Variants in PPP3R1 observed in about 807,000 individuals in gnomAD.
PPP3R1 encodes protein phosphatase 3 regulatory subunit B, alpha.
Under a neutral mutation model 22.6 loss-of-function variants are expected in PPP3R1, and 5 were observed. That is an observed-to-expected ratio of 0.22 (90% confidence interval 0.12 to 0.46). PPP3R1 has a LOEUF of 0.46. Among genes scored for constraint, PPP3R1 ranks in the 20% least tolerant of loss-of-function variants. PPP3R1 has a pLI of 0.99. For synonymous variants in PPP3R1, 56 were observed against 65.2 expected, an observed-to-expected ratio of 0.86 and a Z score of 0.68; for missense variants, 61 against 203.2, an observed-to-expected ratio of 0.30 and a Z score of 4.25.
At position 68,179,690 on chromosome 2, in the gene PPP3R1, A is replaced by G. The variant is rs1197661520; in HGVS notation, c.*1273T>C. 3.3e-5 allele frequency: 5 copies of G among 152,262 alleles called. No individual in the cohort carries two copies. Among genetic ancestry groups the G allele is most frequent in the African/African-American group, 1.2e-4 (5 of 41,468 alleles). The allele number at this position is 152,262 out of a possible 1,614,324, so 9.4% of individuals were successfully genotyped here. ...CAGTAGAACATGATACACTACTTTT[A>G]TATCACACAAATTTATTAAGTTATC... On this transcript the variant is annotated 3_prime_UTR_variant, in exon 6 of 6. Coordinates refer to ENST00000234310, the MANE Select transcript of PPP3R1 (RefSeq NM_000945.4).
intron 3 of PPP3R1, 52 bp downstream of exon 3, chr2:68,188,462 A>G: frequency 1.4e-6 from 2 of 1,403,952 alleles, no homozygotes; most frequent in South Asian, 2.9e-5. Flanking sequence ...GAGCTGTAAG[A>G]ATACAAATAG....
At chr2:68,188,113 T>A (rs1046940282) in intron 3 of PPP3R1, among the ~76,000 whole-genome samples, 4 of 152,140 alleles carry the variant, frequency 2.6e-5, no homozygotes, top group Non-Finnish European at 1.5e-5. Context: ...GAGGCTGCAG[T>A]GAGCCGAGAT....
Position 68,224,388 on chromosome 2 carries a change from C to T in PPP3R1, c.4-7257G>A, listed in dbSNP as rs932297778. Among the ~76,000 whole-genome samples the T allele has an allele frequency of 3.3e-5, 5 of 152,206 alleles. No individual in the cohort carries two copies. The East Asian group carries it at 5.8e-4, about 18-fold the overall frequency. On this transcript the variant is annotated intron_variant, in intron 1 of 5. Coordinates refer to ENST00000234310, the MANE Select transcript of PPP3R1 (RefSeq NM_000945.4). ...TTAAAGAGTTATGAAGGGCTGGGTG[C>T]GGTAGCTCATGCCTGTAATCCCAGC...
intron 1 of PPP3R1, among the ~76,000 whole-genome samples, chr2:68,217,533 G>C (rs1342072862): frequency 1.3e-5 from 2 of 152,060 alleles, no homozygotes; most frequent in African/African-American, 4.8e-5. Flanking sequence ...TCTAACTGAA[G>C]AGTTTCCTGA....
intron 5 of PPP3R1, among the ~76,000 whole-genome samples, chr2:68,182,268 C>A (rs1462474876): frequency 1.3e-5 from 2 of 152,202 alleles, no homozygotes; most frequent in East Asian, 3.9e-4. Flanking sequence ...TATTTGAAAA[C>A]TAAAGCATAA....
At chr2:68,196,296 C>A (rs1329844283) in intron 2 of PPP3R1, among the ~76,000 whole-genome samples, 2 of 149,268 alleles carry the variant, frequency 1.3e-5, no homozygotes, top group Non-Finnish European at 3.0e-5. Flanking sequence ...TTCATGTGAC[C>A]CCAATGAGAA....
intron 1 of PPP3R1, among the ~76,000 whole-genome samples, chr2:68,227,318 C>CA (rs1382654870): frequency 2.0e-5 from 3 of 151,962 alleles, no homozygotes; most frequent in Non-Finnish European, 2.9e-5. Flanking sequence ...TCTTAGGAAT[C>CA]AATCTAAATG....
At chr2:68,218,991 G>T (rs745700945) in intron 1 of PPP3R1, among the ~76,000 whole-genome samples, 1 of 152,014 alleles carries the variant, frequency 6.6e-6, no homozygotes, top group Non-Finnish European at 1.5e-5. Flanking sequence ...AGAATAACTC[G>T]TCTTGCTCCT....
At chr2:68,225,858 C>A (rs1558639347) in intron 1 of PPP3R1, among the ~76,000 whole-genome samples, 1 of 152,150 alleles carries the variant, frequency 6.6e-6, no homozygotes, top group Non-Finnish European at 1.5e-5. Flanking sequence ...GAAAACATGT[C>A]CACACAGAAA....
chr2:68,193,335 G>T (rs1056750343), intron 2 of PPP3R1, among the ~76,000 whole-genome samples: 6 of 152,098 alleles, frequency 3.9e-5, no homozygotes, highest in Admixed American at 6.6e-5. Context: ...CAGCATGTAT[G>T]GGGGCAGTTA....
chr2:68,246,706 C>T (rs1670243417), intron 1 of PPP3R1, among the ~76,000 whole-genome samples: 1 of 152,196 alleles, frequency 6.6e-6, no homozygotes, highest in Non-Finnish European at 1.5e-5. Context: ...ACAAACTTCA[C>T]AGGCTCCTCA....
intron 1 of PPP3R1, among the ~76,000 whole-genome samples, chr2:68,248,719 A>T (rs1168137863): frequency 2.0e-5 from 3 of 152,006 alleles, no homozygotes; most frequent in Admixed American, 2.0e-4. Flanking sequence ...GATGCCTCCA[A>T]CTCTGCCTAC....
intron 2 of PPP3R1, among the ~76,000 whole-genome samples, chr2:68,214,117 C>T (rs940088789): frequency 5.3e-5 from 8 of 152,272 alleles, no homozygotes; most frequent in South Asian, 4.1e-4. Flanking sequence ...GACCCCCTTC[C>T]TTATACCATA....
chr2:68,219,136 G>A (rs1164168794), intron 1 of PPP3R1, among the ~76,000 whole-genome samples: 5 of 152,090 alleles, frequency 3.3e-5, no homozygotes, highest in African/African-American at 1.2e-4. Flanking sequence ...AGAAAGCTAA[G>A]TAAAGTCCTT....
chr2:68,251,983 C>T (rs1358413402), intron 1 of PPP3R1, 142 bp downstream of exon 1: 2 of 883,440 alleles, frequency 2.3e-6, no homozygotes, highest in Non-Finnish European at 2.8e-6. Flanking sequence ...CGCCCGCAAC[C>T]GCCGCGGGAC....
intron 3 of PPP3R1, among the ~76,000 whole-genome samples, 189 bp downstream of exon 3, chr2:68,188,325 T>C (rs941203927): frequency 5.3e-5 from 8 of 152,168 alleles, no homozygotes; most frequent in Admixed American, 3.9e-4. Context: ...GACTTAATCA[T>C]TTATGAACCA....
chr2:68,241,911 T>G (rs1016876764), intron 1 of PPP3R1, among the ~76,000 whole-genome samples: 2 of 151,888 alleles, frequency 1.3e-5, no homozygotes, highest in African/African-American at 4.8e-5. Flanking sequence ...AAAATCATTG[T>G]AGACAAGCAG....
intron 1 of PPP3R1, among the ~76,000 whole-genome samples, chr2:68,218,687 T>C (rs938362237): frequency 6.6e-6 from 1 of 151,480 alleles, no homozygotes; most frequent in Non-Finnish European, 1.5e-5. Context: ...CTCAAGAGCA[T>C]ACCGGTATTT....
intron 1 of PPP3R1, among the ~76,000 whole-genome samples, chr2:68,244,075 T>C (rs1020008989): frequency 1.4e-4 from 21 of 152,234 alleles, no homozygotes; most frequent in Admixed American, 4.6e-4. Flanking sequence ...TTTAGAACTT[T>C]AGGGAAAAAA....
Sources: gnomAD v4.1 joint callset for allele counts (sites outside exome capture counted in the v4.1 genomes callset) on GRCh38, gnomAD v4.1.1 for gene constraint, MANE v1.5 for transcripts, NCBI Gene and HGNC (gene_info 2026-07-23, HGNC 2026-07-21) for gene names.